DNAI4: variants seen among roughly 807,000 people sequenced by gnomAD.
DNAI4 encodes WD repeat domain 78.
Under a neutral mutation model 105.8 loss-of-function variants are expected in DNAI4, and 85 were observed. The observed-to-expected ratio is 0.80, with a 90% CI of 0.67 to 0.96. The LOEUF (loss-of-function observed/expected upper bound fraction) is 0.96, where lower values mean the gene tolerates loss of function less well. Ranked by LOEUF, DNAI4 falls within the 40% of genes least tolerant of loss-of-function variation. DNAI4 has a pLI of 0.00. For missense variants in DNAI4, 1,014 were observed against 1,005.6 expected (o/e 1.01, Z -0.11); for synonymous variants, 352 against 331.5 (o/e 1.06, Z -0.67).
At chr1:66,877,123 G>A (rs1367651890) in intron 4 of DNAI4, among the ~76,000 whole-genome samples, 1 of 152,188 alleles carries the variant, frequency 6.6e-6, no homozygotes, top group Non-Finnish European at 1.5e-5. Flanking sequence ...AGAGACCCCA[G>A]TAGAGAACAA....
At chr1:66,827,195 A>T (rs1645773747) in intron 14 of DNAI4, 149 bp from the exon 15 acceptor site, 1 of 633,006 alleles carries the variant, frequency 1.6e-6, no homozygotes. Flanking sequence ...AAGATCACAG[A>T]TTGAATCTTC....
chr1:66,856,990 C>T (rs536862336), intron 7 of DNAI4, among the ~76,000 whole-genome samples: 64 of 151,880 alleles, frequency 4.2e-4, no homozygotes, highest in African/African-American at 1.5e-3. Flanking sequence ...AAATCAATGA[C>T]ATCAAAAACA....
chr1:66,821,248 G>A (rs190443183), intron 16 of DNAI4, among the ~76,000 whole-genome samples: 30 of 151,692 alleles, frequency 2.0e-4, no homozygotes, highest in South Asian at 2.1e-4. Context: ...ACAGGCACCC[G>A]CCACTACACC....
rs750757212 is a variant in DNAI4 at position 66,847,535 on chromosome 1, T to G, written c.1240A>C (p.Asn414His). The G allele has an allele frequency of 1.2e-6, 2 of 1,613,554 alleles. No individual in the cohort carries two copies. The highest frequency in any genetic ancestry group is 2.2e-5 in the South Asian group (2 of 90,902). The change falls in exon 8 of 17, where the codon AAT (asparagine) becomes CAT (histidine). Residue 414 changes from asparagine to histidine, a missense_variant. By Grantham distance (68) the Asn-to-His change is moderately conservative (BLOSUM62 1). Coordinates refer to ENST00000371026, the MANE Select transcript of DNAI4 (RefSeq NM_024763.5). Reference protein sequence around the residue: ...LFFMERVLMENIFQPKLAAYR... With the variant: ...LFFMERVLMEHIFQPKLAAYR... ...GCTGCAAGTTTGGGCTGAAATATAT[T>G]TTCCATCAGAACCCGTTCCATAAAA...
At chr1:66,873,211 TCCCTCC>T (rs1646886668) in intron 5 of DNAI4, among the ~76,000 whole-genome samples, 2 of 146,776 alleles carry the variant, frequency 1.4e-5, no homozygotes, top group African/African-American at 5.2e-5. Flanking sequence ...CCTCTCCTTC[TCCCTCC>T]TCTCCCTCCT....
intron 7 of DNAI4, among the ~76,000 whole-genome samples, chr1:66,860,246 T>C (rs148092446): frequency 6.6e-6 from 1 of 152,240 alleles, no homozygotes; most frequent in African/African-American, 2.4e-5. Context: ...AAGGCAAATA[T>C]TATTGGACGT....
At chr1:66,908,093 C>T (rs531621763) in intron 1 of DNAI4, among the ~76,000 whole-genome samples, 1 of 152,316 alleles carries the variant, frequency 6.6e-6, no homozygotes, top group South Asian at 2.1e-4. Flanking sequence ...TACTTGCTGG[C>T]AAAACCAAAA....
chr1:66,822,851 A>G (rs1012457265), intron 15 of DNAI4, among the ~76,000 whole-genome samples: 2 of 151,772 alleles, frequency 1.3e-5, no homozygotes, highest in African/African-American at 4.8e-5. Flanking sequence ...TTGTAAAGAT[A>G]TTTTTTTCAA....
chr1:66,909,533 T>G (rs1649505684), intron 1 of DNAI4, among the ~76,000 whole-genome samples: 1 of 151,744 alleles, frequency 6.6e-6, no homozygotes, highest in South Asian at 2.1e-4. Flanking sequence ...CTTTGCTTGG[T>G]TTTCCTCCTC....
intron 11 of DNAI4, 55 bp from the exon 12 acceptor site, chr1:66,834,203 G>A (rs542304675): frequency 1.2e-4 from 166 of 1,413,080 alleles, no homozygotes; most frequent in Admixed American, 8.1e-4. Flanking sequence ...TTTCTTAAAG[G>A]CCTTGGAGTA....
In DNAI4 at chr1:66,893,307, G is replaced by C; in HGVS notation, c.452C>G (p.Ser151Ter). The change falls in exon 3 of 17, where the codon TCA becomes TGA. Residue 151 changes from serine to a stop codon, truncating the protein, a stop_gained. Transcript: ENST00000371026. LOFTEE classifies it high-confidence loss of function. ...PSKLLTSQEG[S>*]LGSEFISSYS... is the part of the protein sequence containing the mutation. ...GGAAGATATAAATTCTGATCCAAGTGATCCTTCTTGTGATGTCAAGAGTTT... is the reference window on the plus strand; with the variant it reads ...GGAAGATATAAATTCTGATCCAAGTCATCCTTCTTGTGATGTCAAGAGTTT... 1 of 1,610,366 alleles carries C rather than the reference G, an allele frequency of 6.2e-7. No individual in the cohort carries two copies. Among genetic ancestry groups the C allele is most frequent in the Non-Finnish European group, 8.5e-7 (1 of 1,177,988 alleles).
At chr1:66,875,221 T>C (rs1557947754) in intron 4 of DNAI4, among the ~76,000 whole-genome samples, 1 of 152,268 alleles carries the variant, frequency 6.6e-6, no homozygotes, top group East Asian at 1.9e-4. Context: ...ACAATATTAA[T>C]TGGGAACTGG....
At chr1:66,852,029 A>G (rs774386127) in intron 7 of DNAI4, among the ~76,000 whole-genome samples, 2 of 151,976 alleles carry the variant, frequency 1.3e-5, no homozygotes, top group Non-Finnish European at 2.9e-5. Flanking sequence ...AAAGACAAAA[A>G]GAGAGAAAAA....
At chr1:66,850,142 CAAAAA>C (rs34423900) in intron 7 of DNAI4, among the ~76,000 whole-genome samples, 1 of 129,458 alleles carries the variant, frequency 7.7e-6, no homozygotes, top group Non-Finnish European at 1.6e-5. Context: ...AACAGAAGAC[CAAAAA>C]AAAAAAAAAA....
Position 66,826,810 on chromosome 1 carries a change from A to T in DNAI4, c.2339+10T>A. The T allele has an allele frequency of 6.2e-7, 1 of 1,610,042 alleles. No individual in the cohort carries two copies. The highest frequency in any genetic ancestry group is 8.5e-7 in the Non-Finnish European group (1 of 1,178,212). On this transcript the variant is annotated intron_variant, in intron 15 of 16. Coordinates refer to ENST00000371026, the MANE Select transcript of DNAI4 (RefSeq NM_024763.5). ...CTACTAAAATTTATGCAAGAAAAAT[A>T]GTAACTTACGTGCTGATATGAAGGT...
chr1:66,895,922 T>TTTG (rs535498968), intron 2 of DNAI4, among the ~76,000 whole-genome samples: 1,922 of 152,082 alleles, frequency 0.013, 19 homozygotes, highest in Middle Eastern at 0.02. Flanking sequence ...GTATTAAGCA[T>TTTG]TTGTTGTTGT....
At chr1:66,919,601 T>C (rs1650316435) in intron 1 of DNAI4, among the ~76,000 whole-genome samples, 1 of 152,198 alleles carries the variant, frequency 6.6e-6, no homozygotes, top group Admixed American at 6.5e-5. Flanking sequence ...GCCCACAAAG[T>C]TCTCAGGATA....
chr1:66,855,678 C>T (rs1646485435), intron 7 of DNAI4, among the ~76,000 whole-genome samples: 1 of 151,990 alleles, frequency 6.6e-6, no homozygotes. Flanking sequence ...ATCTTAAATG[C>T]TTATGGTGCA....
intron 2 of DNAI4, among the ~76,000 whole-genome samples, chr1:66,899,321 C>T (rs2100806389): frequency 6.6e-6 from 1 of 152,228 alleles, no homozygotes; most frequent in Admixed American, 6.5e-5. Flanking sequence ...TCATTGTGGG[C>T]TTGATTTCAA....
Sources: allele counts gnomAD v4.1 joint callset (sites outside exome capture counted in the v4.1 genomes callset), GRCh38; gene constraint gnomAD v4.1.1; transcripts MANE v1.5; gene names NCBI Gene and HGNC (gene_info 2026-07-23, HGNC 2026-07-21).